The following STARD13 variants were observed in gnomAD, a reference collection of about 807,000 sequenced individuals.
STARD13 encodes the protein StAR related lipid transfer domain containing 13, also known as stAR-related lipid transfer protein 13.
STARD13 carries 62 observed loss-of-function variants against 106.4 expected under a neutral mutation model. The observed-to-expected ratio is 0.58, with a 90% CI of 0.48 to 0.72. The LOEUF is 0.72. STARD13 is among the 30% of genes least tolerant of loss of function. The pLI is 0.00. For synonymous variants in STARD13, 565 were observed against 553.0 expected (o/e 1.02, Z -0.31); for missense variants, 1,387 against 1,424.0 (o/e 0.97, Z 0.42).
At chr13:33,558,708 A>C in the STARD13 span, among the ~76,000 whole-genome samples, 1 of 151,780 alleles carries the variant, frequency 6.6e-6, no homozygotes, top group African/African-American at 2.4e-5. Flanking sequence ...CTGTTATGCT[A>C]TCCTAGGGCC....
the STARD13 span, among the ~76,000 whole-genome samples, chr13:33,512,739 G>T: frequency 6.6e-6 from 1 of 152,130 alleles, no homozygotes; most frequent in Admixed American, 6.5e-5. Flanking sequence ...AAAGTACTGG[G>T]ATTACAGGCA....
chr13:33,251,345 C>A (rs903359175), intron 1 of STARD13, among the ~76,000 whole-genome samples: 3 of 152,164 alleles, frequency 2.0e-5, no homozygotes, highest in African/African-American at 7.2e-5. Flanking sequence ...AAGGAAGTAT[C>A]TGGGCCTTAT....
At chr13:33,215,119 T>TGGG (rs71196512) in intron 1 of STARD13, among the ~76,000 whole-genome samples, 31 of 75,586 alleles carry the variant, frequency 4.1e-4, no homozygotes, top group African/African-American at 1.2e-3. Flanking sequence ...AATGAGTACT[T>TGGG]GGGGGGGGGG....
the STARD13 span, among the ~76,000 whole-genome samples, chr13:33,435,739 A>C: frequency 6.6e-6 from 1 of 152,200 alleles, no homozygotes; most frequent in East Asian, 1.9e-4. Context: ...ATCTCACTTT[A>C]TCTTTGTATT....
At chr13:33,258,874 G>A (rs1890498874) in intron 1 of STARD13, among the ~76,000 whole-genome samples, 1 of 152,202 alleles carries the variant, frequency 6.6e-6, no homozygotes, top group Admixed American at 6.5e-5. Context: ...TACAGCACAT[G>A]AGATCTTTCT....
the STARD13 span, among the ~76,000 whole-genome samples, chr13:33,625,078 G>A: frequency 6.6e-6 from 1 of 152,208 alleles, no homozygotes; most frequent in African/African-American, 2.4e-5. Flanking sequence ...TGTCCCTTCT[G>A]AGGGGCAGAG....
chr13:33,199,894 G>C (rs1248169486), intron 1 of STARD13, among the ~76,000 whole-genome samples: 1 of 152,218 alleles, frequency 6.6e-6, no homozygotes, highest in African/African-American at 2.4e-5. Flanking sequence ...AATGGTCCAG[G>C]ATGCAGTATA....
intron 1 of STARD13, among the ~76,000 whole-genome samples, chr13:33,207,871 G>T (rs1012392467): frequency 3.9e-5 from 6 of 152,082 alleles, no homozygotes; most frequent in African/African-American, 7.2e-5. Context: ...ACCCTGCCCC[G>T]CCCACAAAAG....
chr13:33,139,437 C>G (rs1438320787), intron 4 of STARD13, among the ~76,000 whole-genome samples: 3 of 152,170 alleles, frequency 2.0e-5, no homozygotes, highest in Non-Finnish European at 4.4e-5. Context: ...AACTGCTGAG[C>G]CAGCACCTGC....
chr13:33,622,247 G>A, the STARD13 span, among the ~76,000 whole-genome samples: 1 of 152,148 alleles, frequency 6.6e-6, no homozygotes, highest in African/African-American at 2.4e-5. Flanking sequence ...ACCAAAACCT[G>A]ACAAAGACAT....
the STARD13 span, among the ~76,000 whole-genome samples, chr13:33,591,984 G>T: frequency 6.6e-6 from 1 of 151,952 alleles, no homozygotes; most frequent in East Asian, 1.9e-4. Context: ...TTGTATGCCC[G>T]CAGCACTAAT....
the STARD13 span, among the ~76,000 whole-genome samples, chr13:33,441,861 T>C: frequency 0.094 from 14,371 of 152,176 alleles, 780 homozygotes; most frequent in African/African-American, 0.13. Context: ...TAAGATCCAC[T>C]TTTCCCAAGG....
the STARD13 span, among the ~76,000 whole-genome samples, chr13:33,585,466 G>A: frequency 2.6e-5 from 4 of 152,292 alleles, no homozygotes; most frequent in East Asian, 5.8e-4. Flanking sequence ...GGCCAAGACA[G>A]GTGGATTGCT....
At chr13:33,533,092 G>A in the STARD13 span, among the ~76,000 whole-genome samples, 1 of 152,176 alleles carries the variant, frequency 6.6e-6, no homozygotes. Context: ...GGAGATTCCA[G>A]GCAGAGGAAC....
At chr13:33,501,001 T>C in the STARD13 span, among the ~76,000 whole-genome samples, 1 of 150,024 alleles carries the variant, frequency 6.7e-6, no homozygotes, top group African/African-American at 2.4e-5. Context: ...GAAAAATATT[T>C]ATGGTCTTAA....
At chr13:33,533,791 T>C in the STARD13 span, among the ~76,000 whole-genome samples, 1 of 152,196 alleles carries the variant, frequency 6.6e-6, no homozygotes, top group Admixed American at 6.5e-5. Flanking sequence ...GCCACTCTGA[T>C]CATGACTGTG....
intron 1 of STARD13, among the ~76,000 whole-genome samples, chr13:33,178,940 T>A (rs1008219570): frequency 1.3e-4 from 20 of 152,172 alleles, no homozygotes; most frequent in African/African-American, 4.3e-4. Flanking sequence ...CAAAACATGA[T>A]CCAAATTTGT....
At chr13:33,484,074 TAAC>T in the STARD13 span, among the ~76,000 whole-genome samples, 1 of 152,174 alleles carries the variant, frequency 6.6e-6, no homozygotes, top group African/African-American at 2.4e-5. Flanking sequence ...GCAGAAGTTA[TAAC>T]AGTGAGAAAA....
chr13:33,413,238 T>C, the STARD13 span, among the ~76,000 whole-genome samples: 1 of 152,128 alleles, frequency 6.6e-6, no homozygotes, highest in East Asian at 1.9e-4. Context: ...AAATACAATA[T>C]ATCAAAATTT....
Sources: allele counts gnomAD v4.1 joint callset (sites outside exome capture counted in the v4.1 genomes callset), GRCh38; gene constraint gnomAD v4.1.1; transcripts MANE v1.5; gene names NCBI Gene and HGNC (gene_info 2026-07-23, HGNC 2026-07-21).